Variants in CFLAR observed in about 807,000 individuals in gnomAD.
The protein encoded by CFLAR is CASP8 and FADD-like apoptosis regulator.
CFLAR carries 14 observed loss-of-function variants against 51.1 expected under a neutral mutation model. The ratio of observed to expected loss-of-function variants is 0.27; its 90% CI spans 0.18 to 0.43. The LOEUF (loss-of-function observed/expected upper bound fraction) is 0.43, where lower values mean the gene tolerates loss of function less well. Ranked by LOEUF, CFLAR falls within the 20% of genes least tolerant of loss-of-function variation. The probability of loss-of-function intolerance (pLI) is 1.00; values close to 1 mark genes in which losing one functional copy is unlikely to be tolerated. For synonymous variants in CFLAR, 210 were observed against 211.6 expected (o/e 0.99, Z 0.06); for missense variants, 390 against 566.5 (o/e 0.69, Z 3.16).
intron 7 of CFLAR, 163 bp from the exon 8 acceptor site, chr2:201,149,591 G>T (rs1327577439): frequency 3.7e-6 from 2 of 543,926 alleles, no homozygotes; most frequent in African/African-American, 1.9e-5. Context: ...GGAAAAATTT[G>T]ATATTAATGG....
rs1235938159 is a variant in CFLAR at position 201,152,126 on chromosome 2, C to T, written c.793+2291C>T. On this transcript the variant is annotated intron_variant, in intron 8 of 9. Transcript: ENST00000309955. ...CTCAGCCTCCCGAGTACATCCCTGC[C>T]GGGAATACAGGCGCCCGCCACCATG... 3.3e-5 allele frequency among the ~76,000 whole-genome samples: 5 copies of T among 151,776 alleles called. No individual in the cohort carries two copies. The South Asian group carries it at 6.2e-4, about 19-fold the overall frequency.
rs1296863646 is a variant in CFLAR at position 201,170,653 on chromosome 2, C to A, written c.*6680C>A. 1.3e-5 allele frequency: 2 copies of A among 152,174 alleles called. No individual in the cohort carries two copies. The highest frequency in any genetic ancestry group is 4.8e-5 in the African/African-American group (2 of 41,446). The allele number at this position is 152,174 out of a possible 1,614,324, so 9.4% of individuals were successfully genotyped here. A position where few individuals can be genotyped will look rare whatever the true frequency, so the allele number is the denominator to read the frequency against. The stretch of plus-strand genomic sequence containing the variant: ...CTGTTATTCTCCACCACCACTCAAT[C>A]TGTCTATCATCTATCTCTCCATTCA... On this transcript the variant is annotated 3_prime_UTR_variant, in exon 10 of 10. Transcript: ENST00000309955.
intron 6 of CFLAR, 135 bp from the exon 7 acceptor site, chr2:201,148,868 A>G: frequency 3.1e-6 from 2 of 640,780 alleles, no homozygotes; most frequent in Non-Finnish European, 5.7e-6. Context: ...GGGGCCAAGT[A>G]TAGCTGGGGA....
At chr2:201,163,074 C>G (rs1286247206) in intron 9 of CFLAR, 2 of 753,746 alleles carry the variant, frequency 2.7e-6, no homozygotes, top group Non-Finnish European at 4.8e-6. Context: ...TACTAGATGT[C>G]CTATAGGATG....
rs1352906769 is a variant in CFLAR at position 201,138,023 on chromosome 2, A to T, written c.523+1916A>T. On this transcript the variant is annotated intron_variant, in intron 4 of 9. Coordinates refer to ENST00000309955, the MANE Select transcript of CFLAR (RefSeq NM_003879.7). This position sits in a 1 kb window ranked among gnomAD's most constrained non-coding sequence, Gnocchi z 4.0. ...GGGTATGCTTGGCCACCTTGTACAC[A>T]GCAGTGCCCTGGGGCTGACTGCAGG... The T allele has an allele frequency of 5.5e-6, 4 of 731,548 alleles. No individual in the cohort carries two copies. The highest frequency in any genetic ancestry group is 1.0e-5 in the Non-Finnish European group (4 of 394,264). 45.3% of individuals were successfully genotyped at this position (731,548 alleles called of 1,614,324 possible). A position where few individuals can be genotyped will look rare whatever the true frequency, so the allele number is the denominator to read the frequency against.
chr2:201,156,963 T>G (rs1318477062), intron 8 of CFLAR, among the ~76,000 whole-genome samples: 2 of 152,160 alleles, frequency 1.3e-5, no homozygotes, highest in African/African-American at 4.8e-5. Flanking sequence ...TCTGAGCCCA[T>G]TTTAGTTTAG....
At chr2:201,133,442 ACATCC>A (rs879484223) in intron 3 of CFLAR, among the ~76,000 whole-genome samples, 1 of 152,134 alleles carries the variant, frequency 6.6e-6, no homozygotes, top group Non-Finnish European at 1.5e-5. Context: ...TGTGGGGAAG[ACATCC>A]CATCTGCTTG....
At chr2:201,136,673 AC>A in intron 4 of CFLAR, 1 of 1,024,138 alleles carries the variant, frequency 9.8e-7, no homozygotes, top group Non-Finnish European at 1.4e-6. Flanking sequence ...GTTCACTGCC[AC>A]CATAGCATCA....
Position 201,166,579 on chromosome 2 carries a change from A to G in CFLAR, c.*2606A>G. The stretch of plus-strand genomic sequence containing the variant: ...CCAGACGGGGTGGCGGCCGGGCAGA[A>G]GCTGTAATCTCGGCACCCTGGGGGG... On this transcript the variant is annotated 3_prime_UTR_variant, in exon 10 of 10. Transcript: ENST00000309955. The G allele has an allele frequency of 5.5e-6, 1 of 182,914 alleles. No homozygotes were observed. The highest frequency in any genetic ancestry group is 1.1e-5 in the Non-Finnish European group (1 of 88,100). The allele number at this position is 182,914 out of a possible 1,614,324, so 11.3% of individuals were successfully genotyped here. A position where few individuals can be genotyped will look rare whatever the true frequency, so the allele number is the denominator to read the frequency against.
Position 201,129,804 on chromosome 2 carries a change from C to T in CFLAR, c.-62C>T. On this transcript the variant is annotated 5_prime_UTR_variant, in exon 2 of 10. Coordinates refer to ENST00000309955, the MANE Select transcript of CFLAR (RefSeq NM_003879.7). ...ATGAAGTTGACTGCCTGCTGGCTTTCTGTTGACTGGCCCGGAGCTGTACTG... is the reference window on the plus strand; with the variant it reads ...ATGAAGTTGACTGCCTGCTGGCTTTTTGTTGACTGGCCCGGAGCTGTACTG... 6.7e-7 allele frequency: 1 copy of T among 1,501,718 alleles called. No homozygotes were observed. The highest frequency in any genetic ancestry group is 9.1e-7 in the Non-Finnish European group (1 of 1,101,984). 93.0% of individuals were successfully genotyped at this position (1,501,718 alleles called of 1,614,324 possible). A position where few individuals can be genotyped will look rare whatever the true frequency, so the allele number is the denominator to read the frequency against.
At position 201,160,919 on chromosome 2, in the gene CFLAR, C is replaced by G. The variant is rs200225519; in HGVS notation, c.1281C>G (p.Leu427=). ...HSSPSLYLQC[L]SQKLRQERKR... is the part of the protein sequence containing the mutation. ...CACCATCCCTGTACCTGCAGTGCCTCTCCCAGAAACTGAGACAAGAAAGGT... is the reference window on the plus strand; with the variant it reads ...CACCATCCCTGTACCTGCAGTGCCTGTCCCAGAAACTGAGACAAGAAAGGT... The change falls in exon 9 of 10, where the codon CTC becomes CTG. Residue 427 remains leucine, a synonymous_variant. Transcript: ENST00000309955. 15 of 1,612,274 alleles carry G rather than the reference C, an allele frequency of 9.3e-6. No individual in the cohort carries two copies. The highest frequency in any genetic ancestry group is 9.3e-6 in the Non-Finnish European group (11 of 1,178,544).
chr2:201,122,471 ATGGTCCAATGATGACCAGTC>A (rs1216559117), intron 1 of CFLAR: 7 of 152,224 alleles, frequency 4.6e-5, no homozygotes, highest in African/African-American at 1.7e-4. Flanking sequence ...ATGGGCTGCA[ATGGTCCAATGATGACCAGTC>A]TGTTCAAGAC....
At chr2:201,121,360 A>G (rs1321691861) in intron 1 of CFLAR, among the ~76,000 whole-genome samples, 4 of 152,190 alleles carry the variant, frequency 2.6e-5, no homozygotes, top group African/African-American at 4.8e-5. Context: ...CGTGCTGGCT[A>G]TCATTCAGCC....
Position 201,164,123 on chromosome 2 carries a change from G to A in CFLAR, c.*150G>A, listed in dbSNP as rs1943322496. On this transcript the variant is annotated 3_prime_UTR_variant, in exon 10 of 10. Coordinates refer to ENST00000309955, the MANE Select transcript of CFLAR (RefSeq NM_003879.7). ...CTAGTAAAAATACAAAAATTAGCTGGGTGTGGGTGTGGGTACCTGTATTCC... is the reference window on the plus strand; with the variant it reads ...CTAGTAAAAATACAAAAATTAGCTGAGTGTGGGTGTGGGTACCTGTATTCC... 5 of 539,158 alleles carry A rather than the reference G, an allele frequency of 9.3e-6. No individual in the cohort carries two copies. The South Asian group carries it at 1.2e-4, about 13-fold the overall frequency. The allele number at this position is 539,158 out of a possible 1,614,324, so 33.4% of individuals were successfully genotyped here.
Position 201,170,588 on chromosome 2 carries a change from T to A in CFLAR, c.*6615T>A, listed in dbSNP as rs1480190618. The A allele has an allele frequency of 6.6e-6, 1 of 152,240 alleles. No homozygotes were observed. The highest frequency in any genetic ancestry group is 2.1e-4 in the South Asian group (1 of 4,838). 9.4% of individuals were successfully genotyped at this position (152,240 alleles called of 1,614,324 possible). A position where few individuals can be genotyped will look rare whatever the true frequency, so the allele number is the denominator to read the frequency against. ...ACTCCAAAGGTAATACTTATTTAAA[T>A]GGTTTTGAAAATATAGAAAGGCACA... On this transcript the variant is annotated 3_prime_UTR_variant, in exon 10 of 10. Coordinates refer to ENST00000309955, the MANE Select transcript of CFLAR (RefSeq NM_003879.7).
chr2:201,160,410 G>GT, intron 8 of CFLAR, 22 bp from the exon 9 acceptor site: 1 of 1,604,622 alleles, frequency 6.2e-7, no homozygotes. Flanking sequence ...TGTTTTCCGT[G>GT]TTTGTTTTTT....
At chr2:201,158,043 T>C (rs532509375) in intron 8 of CFLAR, among the ~76,000 whole-genome samples, 1 of 152,362 alleles carries the variant, frequency 6.6e-6, no homozygotes, top group East Asian at 1.9e-4. Context: ...GCTTTAGCCA[T>C]TTTTCTTCTG....
chr2:201,138,203 AC>A lies in CFLAR; in HGVS notation c.523+2098del. 1 of 988,628 alleles carries A rather than the reference AC, an allele frequency of 1.0e-6. No homozygotes were observed. The highest frequency in any genetic ancestry group is 1.6e-6 in the Non-Finnish European group (1 of 614,488). 61.2% of individuals were successfully genotyped at this position (988,628 alleles called of 1,614,324 possible). ...GGGTTACTTTTGTTTGATGTAATGC[AC>A]CATGGCGATCTGATACACCGAGTTC... is the stretch of plus-strand genomic sequence containing the variant. On this transcript the variant is annotated intron_variant, in intron 4 of 9. Transcript: ENST00000309955. This position sits in a 1 kb window ranked among gnomAD's most constrained non-coding sequence, Gnocchi z 4.0.
At chr2:201,137,188 G>GA in intron 4 of CFLAR, 1 of 203,848 alleles carries the variant, frequency 4.9e-6, no homozygotes, top group South Asian at 8.1e-5. Flanking sequence ...GAGAAGCCAG[G>GA]AGGGGCCGTC....
Sources: gnomAD v4.1 joint callset for allele counts (sites outside exome capture counted in the v4.1 genomes callset) on GRCh38, gnomAD v4.1.1 for gene constraint, Gnocchi (gnomAD v3.1) non-coding constraint, MANE v1.5 for transcripts, NCBI Gene and HGNC (gene_info 2026-07-23, HGNC 2026-07-21) for gene names.